The following TIAM1 variants were observed in gnomAD, a reference collection of about 807,000 sequenced individuals.
The protein encoded by TIAM1 is rho guanine nucleotide exchange factor TIAM1.
Under a neutral mutation model 163.5 loss-of-function variants are expected in TIAM1, and 65 were observed. The ratio of observed to expected loss-of-function variants is 0.40; its 90% CI spans 0.33 to 0.49. The LOEUF is 0.49. Among genes scored for constraint, TIAM1 ranks in the 20% least tolerant of loss-of-function variants. The probability of loss-of-function intolerance (pLI) is 0.77; values close to 1 mark genes in which losing one functional copy is unlikely to be tolerated. For synonymous variants in TIAM1, 833 were observed against 810.1 expected, an observed-to-expected ratio of 1.03 and a Z score of -0.48; for missense variants, 1,789 against 2,044.7, an observed-to-expected ratio of 0.87 and a Z score of 2.41.
chr21:31,553,194 G>C (rs749175784), intron 1 of TIAM1, among the ~76,000 whole-genome samples: 1 of 152,144 alleles, frequency 6.6e-6, no homozygotes, highest in African/African-American at 2.4e-5. Flanking sequence ...ATGACACCAG[G>C]CAACAGGCAT....
chr21:31,535,430 G>A (rs191336452), intron 1 of TIAM1, among the ~76,000 whole-genome samples: 34 of 117,668 alleles, frequency 2.9e-4, no homozygotes, highest in Middle Eastern at 0.011. Context: ...GAAAGTTCTT[G>A]TTCCAATTTT....
intron 1 of TIAM1, among the ~76,000 whole-genome samples, chr21:31,494,191 G>T (rs1286916207): frequency 6.6e-6 from 1 of 152,102 alleles, no homozygotes; most frequent in African/African-American, 2.4e-5. Flanking sequence ...TGGGATTACA[G>T]GTGTAAGTCA....
intron 1 of TIAM1, among the ~76,000 whole-genome samples, chr21:31,490,636 T>A (rs1343439397): frequency 6.6e-6 from 1 of 152,150 alleles, no homozygotes; most frequent in Non-Finnish European, 1.5e-5. Context: ...TTGCCTGTGA[T>A]TGGGTTAGGG....
At position 31,395,692 on chromosome 21, in the gene TIAM1, C is replaced by G. The variant is rs538080904; in HGVS notation, c.-368-56270G>C. On this transcript the variant is annotated intron_variant, in intron 2 of 28. Transcript: ENST00000286827. This position sits in a 1 kb window ranked among gnomAD's most constrained non-coding sequence, Gnocchi z 7.5. The stretch of plus-strand genomic sequence containing the variant: ...AATAAATATTGACTAAAACATCTAT[C>G]TTGGGGAGGGGGCGCATGCGTTCCC... Among the ~76,000 whole-genome samples, 50 of 152,250 alleles carry G rather than the reference C, an allele frequency of 3.3e-4. No individual in the cohort carries two copies. The East Asian group carries it at 6.4e-3, about 19-fold the overall frequency.
At chr21:31,145,828 CA>C (rs2083081432) in intron 20 of TIAM1, among the ~76,000 whole-genome samples, 2 of 152,150 alleles carry the variant, frequency 1.3e-5, no homozygotes, top group Admixed American at 6.5e-5. Context: ...TTGGAAACTG[CA>C]ACTTTATGCA....
chr21:31,309,509 T>C lies in TIAM1; in HGVS notation c.-189+29734A>G, dbSNP rs189290915. 8.5e-5 allele frequency among the ~76,000 whole-genome samples: 13 copies of C among 152,316 alleles called. No homozygotes were observed. The East Asian group carries it at 2.5e-3, about 29-fold the overall frequency. Reference sequence around the variant, plus strand: ...AAATAAAACGAAACTCTTGCAAAATTATTTGAAAGGTGAAAAGCTTTTAAA... The same window carrying C: ...AAATAAAACGAAACTCTTGCAAAATCATTTGAAAGGTGAAAAGCTTTTAAA... On this transcript the variant is annotated intron_variant, in intron 2 of 27. Transcript: ENST00000541036.
chr21:31,191,319 C>T (rs1568998246), intron 13 of TIAM1, among the ~76,000 whole-genome samples: 2 of 152,146 alleles, frequency 1.3e-5, no homozygotes, highest in African/African-American at 4.8e-5. Flanking sequence ...CCAAGCCCGT[C>T]TAATTTTTTT....
upstream of TIAM1, among the ~76,000 whole-genome samples, chr21:31,348,120 C>G (rs1385203822): frequency 2.0e-5 from 3 of 152,112 alleles, no homozygotes; most frequent in Admixed American, 6.6e-5. Context: ...TATATTAGAT[C>G]TACAATAGCT....
chr21:31,359,042 G>C (rs1339925054), intron 2 of TIAM1, among the ~76,000 whole-genome samples: 1 of 152,062 alleles, frequency 6.6e-6, no homozygotes, highest in African/African-American at 2.4e-5. Context: ...GAACATTCCA[G>C]GTAGGCTGCT....
chr21:31,532,807 T>C (rs10854349), intron 1 of TIAM1, among the ~76,000 whole-genome samples: 34,149 of 152,030 alleles, frequency 0.22, 4,209 homozygotes, highest in Admixed American at 0.33. Context: ...AATTAGCCCG[T>C]GTGGTGGCGC....
rs572502109 is a variant in TIAM1 at position 31,521,896 on chromosome 21, G to A, written c.-422+37031C>T. ...TTAATAATTCTTTTTTTTGGAGACG[G>A]AGTCTCTCTCTGTCGCCCAGGCTGG... On this transcript the variant is annotated intron_variant, in intron 1 of 28. Coordinates refer to the TIAM1 transcript ENST00000286827. Among the ~76,000 whole-genome samples the A allele has an allele frequency of 9.0e-4, 137 of 152,082 alleles. 1 individual carries two copies. Among genetic ancestry groups the A allele is most frequent in the African/African-American group, 2.9e-3 (119 of 41,542 alleles).
intron 2 of TIAM1, among the ~76,000 whole-genome samples, chr21:31,422,763 T>C (rs1247290193): frequency 6.6e-6 from 1 of 152,222 alleles, no homozygotes; most frequent in Non-Finnish European, 1.5e-5. Context: ...GCTCATGATC[T>C]CTACTCAGGG....
intron 1 of TIAM1, among the ~76,000 whole-genome samples, chr21:31,535,604 G>T (rs1569418870): frequency 6.6e-6 from 1 of 152,026 alleles, no homozygotes; most frequent in Non-Finnish European, 1.5e-5. Flanking sequence ...ACGTAAAGGG[G>T]ATGTCAGAGC....
At chr21:31,406,233 G>C (rs1453810535) in intron 2 of TIAM1, among the ~76,000 whole-genome samples, 1 of 144,910 alleles carries the variant, frequency 6.9e-6, no homozygotes, top group Non-Finnish European at 1.5e-5. Flanking sequence ...AGGTTCCCAA[G>C]ATAAAATCCA....
chr21:31,466,489 G>A (rs2045537000), intron 1 of TIAM1, among the ~76,000 whole-genome samples: 1 of 151,954 alleles, frequency 6.6e-6, no homozygotes, highest in Non-Finnish European at 1.5e-5. Flanking sequence ...GGCCTGGAAG[G>A]TGGGGGTGGG....
At chr21:31,208,952 C>CTT (rs1267182723) in intron 11 of TIAM1, among the ~76,000 whole-genome samples, 245 of 148,436 alleles carry the variant, frequency 1.7e-3, no homozygotes, top group African/African-American at 5.9e-3. Flanking sequence ...AAAAGTTTTT[C>CTT]ATTTTTTTTT....
At chr21:31,521,887 T>C (rs1299770609) in intron 1 of TIAM1, among the ~76,000 whole-genome samples, 9 of 152,148 alleles carry the variant, frequency 5.9e-5, no homozygotes, top group Non-Finnish European at 1.2e-4. Context: ...ATTCTTTTTT[T>C]TGGAGACGGA....
chr21:31,468,159 G>C (rs1284264699), intron 1 of TIAM1, among the ~76,000 whole-genome samples: 1 of 151,770 alleles, frequency 6.6e-6, no homozygotes, highest in East Asian at 1.9e-4. Context: ...CGATCTACTT[G>C]CTGGGCAGAG....
chr21:31,210,455 A>G (rs1389430704), intron 10 of TIAM1, among the ~76,000 whole-genome samples: 1 of 150,490 alleles, frequency 6.6e-6, no homozygotes, highest in East Asian at 2.0e-4. Context: ...CACAGCATCC[A>G]TAGGTGATCA....
Sources: allele counts gnomAD v4.1 joint callset (sites outside exome capture counted in the v4.1 genomes callset), GRCh38; gene constraint gnomAD v4.1.1; non-coding constraint Gnocchi (gnomAD v3.1); transcripts MANE v1.5; gene names NCBI Gene and HGNC (gene_info 2026-07-23, HGNC 2026-07-21).